FBLN1: variants seen among roughly 807,000 people sequenced by gnomAD.
FBLN1 encodes the protein fibulin-1.
A neutral mutation model predicts 89.7 loss-of-function variants in FBLN1; 34 were observed. The ratio of observed to expected loss-of-function variants is 0.38; its 90% CI spans 0.29 to 0.50. The LOEUF (loss-of-function observed/expected upper bound fraction) is 0.50. Ranked by LOEUF, FBLN1 falls within the 20% of genes least tolerant of loss-of-function variation. The pLI is 0.92. For missense variants in FBLN1, 777 were observed against 988.1 expected, an observed-to-expected ratio of 0.79 and a Z score of 2.86; for synonymous variants, 393 against 391.3, an observed-to-expected ratio of 1.00 and a Z score of -0.05.
chr22:45,515,816 C>T (rs2088162420), intron 1 of FBLN1, among the ~76,000 whole-genome samples: 1 of 152,220 alleles, frequency 6.6e-6, no homozygotes, highest in African/African-American at 2.4e-5. Flanking sequence ...ACTGGGGAAG[C>T]TGTGATTCAG....
chr22:45,540,292 G>A (rs136754), intron 8 of FBLN1, among the ~76,000 whole-genome samples: 3 of 152,180 alleles, frequency 2.0e-5, no homozygotes, highest in Middle Eastern at 3.4e-3. Context: ...TAGTGATACC[G>A]GCCTCACCTC....
At position 45,581,419 on chromosome 22, in the gene FBLN1, T is replaced by C. The variant is rs2089040778; in HGVS notation, c.1972+4311T>C. Among the ~76,000 whole-genome samples, 2 of 152,090 alleles carry C rather than the reference T, an allele frequency of 1.3e-5. No homozygotes were observed. The highest frequency in any genetic ancestry group is 1.3e-4 in the Admixed American group (2 of 15,286). On this transcript the variant is annotated intron_variant, in intron 16 of 16. Coordinates refer to ENST00000327858, the MANE Select transcript of FBLN1 (RefSeq NM_006486.3). This position sits in a 1 kb window ranked among gnomAD's most constrained non-coding sequence, Gnocchi z 7.6. ...CCTGACTGCTCCAGGGTCATGGCTG[T>C]GTGATAGGAGGGCCTGGCCTGCAAA...
rs1602197899 is a variant in FBLN1 at position 45,547,418 on chromosome 22, C to T, written c.1441+214C>T. ...TTTTTTTTTTTTTTTTTTTTTGAGACACGGTCTTGCTCTGTTGCCCAGGCT... is the reference window on the plus strand; with the variant it reads ...TTTTTTTTTTTTTTTTTTTTTGAGATACGGTCTTGCTCTGTTGCCCAGGCT... On this transcript the variant is annotated intron_variant, in intron 12 of 16. Transcript: ENST00000327858. Among the ~76,000 whole-genome samples the T allele has an allele frequency of 2.8e-5, 3 of 105,352 alleles. 1 individual carries two copies. The allele number at this position is 105,352 out of a possible 152,430, so 69.1% of individuals were successfully genotyped here.
chr22:45,515,194 G>A (rs887261681), intron 1 of FBLN1, among the ~76,000 whole-genome samples: 4 of 152,146 alleles, frequency 2.6e-5, no homozygotes, highest in Non-Finnish European at 4.4e-5. Context: ...GAGGATGATC[G>A]TCCACCTCTT....
rs1009440652 is a variant in FBLN1 at position 45,577,402 on chromosome 22, G to C, written c.1972+294G>C. The stretch of plus-strand genomic sequence containing the variant: ...ATGGGTGGGTTCCAGAGAGCGCTGC[G>C]CCTCACAACCATGAATTTCAAATGA... On this transcript the variant is annotated intron_variant, in intron 16 of 16. Transcript: ENST00000327858. The surrounding 1 kb of genome is among the most constrained non-coding windows in gnomAD (Gnocchi z 6.6). 2.0e-5 allele frequency among the ~76,000 whole-genome samples: 3 copies of C among 152,236 alleles called. No homozygotes were observed. Among genetic ancestry groups the C allele is most frequent in the African/African-American group, 7.2e-5 (3 of 41,460 alleles).
At chr22:45,565,547 C>G (rs2088894831) in intron 14 of FBLN1, 1 of 264,442 alleles carries the variant, frequency 3.8e-6, no homozygotes, top group African/African-American at 2.2e-5. Flanking sequence ...AGCATTTACC[C>G]CATTGTGTTG....
intron 4 of FBLN1, 103 bp downstream of exon 4, chr22:45,528,112 A>C: frequency 1.1e-5 from 15 of 1,318,482 alleles, no homozygotes; most frequent in Non-Finnish European, 1.5e-5. Flanking sequence ...GACTTGGCTC[A>C]TGTGATCGTG....
rs201237341 is a variant in FBLN1 at position 45,574,490 on chromosome 22, G to A, written c.1698-21G>A. On this transcript the variant is annotated intron_variant, in intron 14 of 16. Coordinates refer to ENST00000327858, the MANE Select transcript of FBLN1 (RefSeq NM_006486.3). The surrounding 1 kb of genome is among the most constrained non-coding windows in gnomAD (Gnocchi z 4.1). ...CTGTCCCAGCTTCCCCGTCAGCCTC[G>A]TGTGCTGTGGTTCCCCTCAGGCTCC... 456 of 1,613,948 alleles carry A rather than the reference G, an allele frequency of 2.8e-4. 4 individuals are homozygous for A. In the Middle Eastern group the frequency reaches 7.1e-3, roughly 25 times the overall value.
At chr22:45,513,898 A>T (rs534735098) in intron 1 of FBLN1, among the ~76,000 whole-genome samples, 1 of 151,846 alleles carries the variant, frequency 6.6e-6, no homozygotes, top group African/African-American at 2.4e-5. Context: ...GGTTCAAGCG[A>T]TTCTTCTGCC....
Position 45,512,740 on chromosome 22 carries a change from C to T in FBLN1, c.80-5942C>T, listed in dbSNP as rs1218765539. Among the ~76,000 whole-genome samples, 4 of 152,150 alleles carry T rather than the reference C, an allele frequency of 2.6e-5. No homozygotes were observed. The East Asian group carries it at 5.8e-4, about 22-fold the overall frequency. The stretch of plus-strand genomic sequence containing the variant: ...CAGGACACACGGGGGAGCTGTGATC[C>T]TCAGGGTGTTCTTTTGTTTTTAGTT... On this transcript the variant is annotated intron_variant, in intron 1 of 16. Transcript: ENST00000327858.
At chr22:45,559,431 G>T (rs946758932) in intron 14 of FBLN1, among the ~76,000 whole-genome samples, 45 of 152,138 alleles carry the variant, frequency 3.0e-4, no homozygotes, top group African/African-American at 1.0e-3. Flanking sequence ...TATTGTTTTT[G>T]ATTTACTGTT....
Position 45,577,251 on chromosome 22 carries a change from C to T in FBLN1, c.1972+143C>T. The T allele has an allele frequency of 1.1e-6, 1 of 927,946 alleles. No individual in the cohort carries two copies. Among genetic ancestry groups the T allele is most frequent in the Non-Finnish European group, 1.7e-6 (1 of 592,516 alleles). 57.5% of individuals were successfully genotyped at this position (927,946 alleles called of 1,614,324 possible). On this transcript the variant is annotated intron_variant, in intron 16 of 16. Transcript: ENST00000327858. The surrounding 1 kb of genome is among the most constrained non-coding windows in gnomAD (Gnocchi z 6.6). ...CTTCAGGGCCCAGCGCCGAGGCCAC[C>T]ACAGCTCCCAATCGGTCTCGGCCGG...
At chr22:45,534,823 C>T (rs2088463163) in intron 7 of FBLN1, among the ~76,000 whole-genome samples, 1 of 152,186 alleles carries the variant, frequency 6.6e-6, no homozygotes, top group African/African-American at 2.4e-5. Context: ...GTGAAGACTT[C>T]AGAATGGATA....
chr22:45,541,447 C>T (rs2146980249), intron 9 of FBLN1, 75 bp downstream of exon 9: 2 of 1,580,678 alleles, frequency 1.3e-6, no homozygotes, highest in Non-Finnish European at 1.7e-6. Context: ...TCTCTGGAAG[C>T]AGAAAGTTGA....
chr22:45,589,432 A>G (rs2089116915), intron 16 of FBLN1, among the ~76,000 whole-genome samples: 1 of 152,088 alleles, frequency 6.6e-6, no homozygotes, highest in Non-Finnish European at 1.5e-5. Context: ...GTGTATCGTA[A>G]ATGTTCAGTC....
intron 14 of FBLN1, among the ~76,000 whole-genome samples, chr22:45,559,725 C>T (rs539064793): frequency 6.6e-6 from 1 of 152,318 alleles, no homozygotes; most frequent in South Asian, 2.1e-4. Context: ...CTGGAATCAA[C>T]CTCAGCTCAG....
At chr22:45,546,380 C>G (rs1160290214) in intron 11 of FBLN1, among the ~76,000 whole-genome samples, 1 of 152,130 alleles carries the variant, frequency 6.6e-6, no homozygotes, top group African/African-American at 2.4e-5. Context: ...CCATGCCTGG[C>G]TAATTCTTGT....
chr22:45,505,241 A>G (rs2088002868), intron 1 of FBLN1, among the ~76,000 whole-genome samples: 1 of 152,246 alleles, frequency 6.6e-6, no homozygotes, highest in Non-Finnish European at 1.5e-5. Context: ...TGTTTTCTCC[A>G]AGGCTTTCTT....
intron 16 of FBLN1, among the ~76,000 whole-genome samples, chr22:45,592,509 G>A (rs900716775): frequency 2.6e-5 from 4 of 152,090 alleles, no homozygotes; most frequent in African/African-American, 9.7e-5. Context: ...TGTATTTTTA[G>A]TAGAGACAGG....
Sources: allele counts gnomAD v4.1 joint callset (sites outside exome capture counted in the v4.1 genomes callset), GRCh38; gene constraint gnomAD v4.1.1; non-coding constraint Gnocchi (gnomAD v3.1); transcripts MANE v1.5; gene names NCBI Gene and HGNC (gene_info 2026-07-23, HGNC 2026-07-21).